C1orf105: variants seen among roughly 807,000 people sequenced by gnomAD.
C1orf105 encodes the protein chromosome 1 open reading frame 105, also known as uncharacterized protein C1orf105.
In C1orf105, 17 loss-of-function variants were observed where a neutral mutation model predicts 20.8. The ratio of observed to expected loss-of-function variants is 0.82; its 90% CI spans 0.56 to 1.23. The LOEUF (loss-of-function observed/expected upper bound fraction) is 1.23, where lower values mean the gene tolerates loss of function less well. C1orf105 is among the 50% of genes most tolerant of loss of function. The probability of loss-of-function intolerance (pLI) is 0.00; values close to 1 mark genes in which losing one functional copy is unlikely to be tolerated. For missense variants in C1orf105, 219 were observed against 213.5 expected, an observed-to-expected ratio of 1.03 and a Z score of -0.16; for synonymous variants, 72 against 72.1, an observed-to-expected ratio of 1.00 and a Z score of 0.01.
intron 1 of C1orf105, chr1:172,441,352 TACACACACACACACACACAC>T (rs55669322): frequency 2.7e-4 from 42 of 156,930 alleles, no homozygotes; most frequent in Non-Finnish European, 4.3e-4. Flanking sequence ...GAAGTGACTT[TACACACACACACACACACAC>T]ACACACACAC....
At chr1:172,445,456 C>G (rs1419772592) in intron 2 of C1orf105, among the ~76,000 whole-genome samples, 1 of 152,170 alleles carries the variant, frequency 6.6e-6, no homozygotes, top group Non-Finnish European at 1.5e-5. Flanking sequence ...CTCTTTCTCA[C>G]CCCACATTTT....
chr1:172,445,616 A>G (rs1380741154), intron 2 of C1orf105, among the ~76,000 whole-genome samples: 1 of 152,212 alleles, frequency 6.6e-6, no homozygotes, highest in African/African-American at 2.4e-5. Context: ...ACAAACTACT[A>G]TATGACACAT....
intron 6 of C1orf105, among the ~76,000 whole-genome samples, chr1:172,466,475 G>C (rs925089378): frequency 6.6e-6 from 1 of 152,054 alleles, no homozygotes; most frequent in African/African-American, 2.4e-5. Context: ...GGCATGTGCA[G>C]TTGATTTCAT....
At chr1:172,450,938 G>A (rs1218917338) in intron 3 of C1orf105, 1 of 152,248 alleles carries the variant, frequency 6.6e-6, no homozygotes, top group African/African-American at 2.4e-5. Context: ...GACAAATGAA[G>A]CCTAAACATT....
At chr1:172,438,949 G>A (rs999844329) in intron 1 of C1orf105, among the ~76,000 whole-genome samples, 1 of 152,220 alleles carries the variant, frequency 6.6e-6, no homozygotes, top group Non-Finnish European at 1.5e-5. Context: ...TTTTTAGCAA[G>A]AAAGCATTTT....
chr1:172,453,731 G>T (rs980423086), intron 3 of C1orf105, among the ~76,000 whole-genome samples: 3 of 152,116 alleles, frequency 2.0e-5, no homozygotes, highest in African/African-American at 7.2e-5. Flanking sequence ...TTAAAATCAA[G>T]AATAGTGCAA....
chr1:172,447,126 G>A (rs913165518), intron 2 of C1orf105, among the ~76,000 whole-genome samples: 1 of 152,180 alleles, frequency 6.6e-6, no homozygotes. Flanking sequence ...AAAGCTCCGG[G>A]TTCCAAGCTG....
chr1:172,436,480 A>G (rs768314539), intron 1 of C1orf105, among the ~76,000 whole-genome samples: 7 of 152,332 alleles, frequency 4.6e-5, no homozygotes, highest in Middle Eastern at 3.4e-3. Context: ...TGACCAAAAC[A>G]AGCAATGGGG....
chr1:172,433,245 A>T (rs1440867863), intron 1 of C1orf105, among the ~76,000 whole-genome samples: 4 of 152,204 alleles, frequency 2.6e-5, no homozygotes, highest in Non-Finnish European at 5.9e-5. Context: ...TTCAGGAAAT[A>T]CACAGAACAC....
intron 2 of C1orf105, among the ~76,000 whole-genome samples, chr1:172,446,590 C>T (rs1648027898): frequency 6.6e-6 from 1 of 152,214 alleles, no homozygotes; most frequent in African/African-American, 2.4e-5. Context: ...TCCCACCATC[C>T]CATACTACCC....
chr1:172,423,789 A>G (rs993574142), intron 1 of C1orf105, among the ~76,000 whole-genome samples: 1 of 152,096 alleles, frequency 6.6e-6, no homozygotes, highest in African/African-American at 2.4e-5. Context: ...AAAAGAATCA[A>G]GCAGAAATTC....
chr1:172,442,427 A>C, intron 1 of C1orf105: 1 of 1,614,108 alleles, frequency 6.2e-7, no homozygotes, highest in Non-Finnish European at 8.5e-7. Flanking sequence ...ACAAAAACAC[A>C]AACACTGCAC....
At chr1:172,428,819 A>G (rs746432608) in intron 1 of C1orf105, 2 of 699,274 alleles carry the variant, frequency 2.9e-6, no homozygotes, top group Non-Finnish European at 5.2e-6. Context: ...ACAGAACAGT[A>G]TTTGTCATAC....
Position 172,420,693 on chromosome 1 carries a change from A to C in C1orf105, c.-193A>C, listed in dbSNP as rs2071563861. The stretch of plus-strand genomic sequence containing the variant: ...ATGGAATTATATGATTCAAGATGTA[A>C]ATCACACAGATGTTGGTAGAGAAAA... On this transcript the variant is annotated 5_prime_UTR_variant, in exon 1 of 7. The change abolishes the stop of an existing upstream ORF in the 5' untranslated region. Coordinates refer to ENST00000367727, the MANE Select transcript of C1orf105 (RefSeq NM_139240.4). 1.5e-5 allele frequency: 9 copies of C among 595,014 alleles called. No individual in the cohort carries two copies. 36.9% of individuals were successfully genotyped at this position (595,014 alleles called of 1,614,324 possible). A position where few individuals can be genotyped will look rare whatever the true frequency, so the allele number is the denominator to read the frequency against.
Position 172,442,768 on chromosome 1 carries a change from A to C in C1orf105, c.22-2305A>C, listed in dbSNP as rs934025654. 29 of 714,264 alleles carry C rather than the reference A, an allele frequency of 4.1e-5. No homozygotes were observed. The African/African-American group carries it at 4.6e-4, about 11-fold the overall frequency. 44.2% of individuals were successfully genotyped at this position (714,264 alleles called of 1,614,324 possible). ...TCTACCAACCTTTCCTTGTTTTCAA[A>C]GGCAGGGGCTAGGCCTACAATAGAT... On this transcript the variant is annotated intron_variant, in intron 1 of 6. Coordinates refer to ENST00000367727, the MANE Select transcript of C1orf105 (RefSeq NM_139240.4).
At chr1:172,452,901 C>G (rs545661040) in intron 3 of C1orf105, 3 of 1,489,736 alleles carry the variant, frequency 2.0e-6, no homozygotes, top group African/African-American at 1.4e-5. Context: ...GTGGACAATT[C>G]CCTCTCCATT....
At chr1:172,440,849 A>G (rs570144482) in intron 1 of C1orf105, among the ~76,000 whole-genome samples, 1 of 152,360 alleles carries the variant, frequency 6.6e-6, no homozygotes, top group Non-Finnish European at 1.5e-5. Flanking sequence ...CTGGAATTCT[A>G]AAGGTCTGAA....
chr1:172,449,033 G>T (rs1164761758), intron 3 of C1orf105, among the ~76,000 whole-genome samples: 1 of 152,166 alleles, frequency 6.6e-6, no homozygotes, highest in Admixed American at 6.5e-5. Flanking sequence ...CCCTGAGGTG[G>T]AGAAAGAGAG....
chr1:172,440,032 A>G lies in C1orf105; in HGVS notation c.22-5041A>G, dbSNP rs150863964. ...AAACCACCAATTTTTTTTATCACAAAACACAATATTCATCTGTCCAAATAA... is the reference window on the plus strand; with the variant it reads ...AAACCACCAATTTTTTTTATCACAAGACACAATATTCATCTGTCCAAATAA... On this transcript the variant is annotated intron_variant, in intron 1 of 6. Transcript: ENST00000367727. Among the ~76,000 whole-genome samples the G allele has an allele frequency of 3.6e-3, 544 of 152,312 alleles. 4 individuals are homozygous for G. Among genetic ancestry groups the G allele is most frequent in the African/African-American group, 0.012 (511 of 41,548 alleles).
Sources: allele counts gnomAD v4.1 joint callset (sites outside exome capture counted in the v4.1 genomes callset), GRCh38; gene constraint gnomAD v4.1.1; transcripts MANE v1.5; gene names NCBI Gene and HGNC (gene_info 2026-07-23, HGNC 2026-07-21).